The following CBFA2T2 variants were observed in gnomAD, a reference collection of about 807,000 sequenced individuals.
CBFA2T2 encodes CBFA2/RUNX1 partner transcriptional co-repressor 2.
A neutral mutation model predicts 62.2 loss-of-function variants in CBFA2T2; 11 were observed. The observed-to-expected ratio is 0.18, with a 90% CI of 0.11 to 0.29. CBFA2T2 has a LOEUF of 0.29. Ranked by LOEUF, CBFA2T2 falls within the 10% of genes least tolerant of loss-of-function variation. The pLI, the probability that CBFA2T2 is intolerant of heterozygous loss-of-function variation, is 1.00. For synonymous variants in CBFA2T2, 295 were observed against 287.5 expected, an observed-to-expected ratio of 1.03 and a Z score of -0.27; for missense variants, 592 against 774.1, an observed-to-expected ratio of 0.76 and a Z score of 2.79.
intron 2 of CBFA2T2, among the ~76,000 whole-genome samples, chr20:33,610,752 C>T (rs984916536): frequency 1.3e-5 from 2 of 152,036 alleles, no homozygotes; most frequent in African/African-American, 4.8e-5. Context: ...CATGAGTATC[C>T]CATCACTGGA....
At chr20:33,622,329 C>G (rs2016024538) in intron 4 of CBFA2T2, among the ~76,000 whole-genome samples, 1 of 152,196 alleles carries the variant, frequency 6.6e-6, no homozygotes, top group Non-Finnish European at 1.5e-5. Context: ...TTAAAACTCT[C>G]CTTTCACTTG....
chr20:33,519,370 T>C (rs563377909), intron 1 of CBFA2T2, among the ~76,000 whole-genome samples: 1 of 152,280 alleles, frequency 6.6e-6, no homozygotes, highest in African/African-American at 2.4e-5. Context: ...TTCAGGAGGC[T>C]GAGGCGGGAG....
chr20:33,538,912 G>C (rs1336814245), intron 1 of CBFA2T2, among the ~76,000 whole-genome samples: 1 of 151,232 alleles, frequency 6.6e-6, no homozygotes, highest in Non-Finnish European at 1.5e-5. Flanking sequence ...GTTGTCTTCA[G>C]AAAACACTGG....
chr20:33,507,256 G>C (rs1455928528), intron 1 of CBFA2T2, among the ~76,000 whole-genome samples: 2 of 152,154 alleles, frequency 1.3e-5, no homozygotes, highest in Non-Finnish European at 2.9e-5. Flanking sequence ...GGGATATAAA[G>C]AGTTCTGAGG....
chr20:33,584,478 C>T (rs1449052194), intron 1 of CBFA2T2, among the ~76,000 whole-genome samples: 3 of 150,476 alleles, frequency 2.0e-5, no homozygotes, highest in African/African-American at 7.3e-5. Context: ...AGGATGGTCT[C>T]AATCTCCTGA....
chr20:33,601,809 A>T (rs1370489376), intron 1 of CBFA2T2: 1 of 147,408 alleles, frequency 6.8e-6, no homozygotes, highest in Non-Finnish European at 1.5e-5. Flanking sequence ...ATTCTAATAG[A>T]TTTTTTTTTT....
intron 8 of CBFA2T2, among the ~76,000 whole-genome samples, chr20:33,633,241 A>G (rs944018797): frequency 6.6e-6 from 1 of 152,056 alleles, no homozygotes; most frequent in African/African-American, 2.4e-5. Context: ...GCATGGTAGC[A>G]CATGCCTGTA....
chr20:33,505,522 G>A (rs528109187), intron 1 of CBFA2T2, among the ~76,000 whole-genome samples: 17 of 152,232 alleles, frequency 1.1e-4, no homozygotes, highest in South Asian at 2.1e-4. Flanking sequence ...AGTGGCTCAC[G>A]CCTGTAATCC....
intron 9 of CBFA2T2, among the ~76,000 whole-genome samples, chr20:33,638,211 G>A (rs1353634358): frequency 2.6e-5 from 4 of 151,756 alleles, no homozygotes; most frequent in Non-Finnish European, 5.9e-5. Context: ...TTGACTTCAG[G>A]TGATCCACCC....
intron 2 of CBFA2T2, among the ~76,000 whole-genome samples, chr20:33,608,611 T>C (rs2015418330): frequency 6.6e-6 from 1 of 152,164 alleles, no homozygotes; most frequent in African/African-American, 2.4e-5. Context: ...GCCCTAGACA[T>C]ATATACTATC....
chr20:33,559,129 A>G (rs555533791), intron 1 of CBFA2T2, among the ~76,000 whole-genome samples: 21 of 137,684 alleles, frequency 1.5e-4, no homozygotes, highest in Admixed American at 4.4e-4. Flanking sequence ...TGATTTAAAC[A>G]TTTTATTGTG....
intron 1 of CBFA2T2, among the ~76,000 whole-genome samples, chr20:33,502,947 C>T (rs950812086): frequency 4.0e-5 from 6 of 150,008 alleles, no homozygotes; most frequent in Non-Finnish European, 7.4e-5. Flanking sequence ...GAAAATTAGC[C>T]GGGCTTGGTG....
Position 33,648,465 on chromosome 20 carries a change from A to G in CBFA2T2, c.*3819A>G. ...GTCCTTTTTGTCCCCACTTGCCTGC[A>G]CCGTGCCTGACTCATCCAGTGGGGA... On this transcript the variant is annotated 3_prime_UTR_variant, in exon 11 of 11. Transcript: ENST00000342704. The G allele has an allele frequency of 6.6e-6, 1 of 152,256 alleles. No homozygotes were observed. The highest frequency in any genetic ancestry group is 1.5e-5 in the Non-Finnish European group (1 of 68,094). The allele number at this position is 152,256 out of a possible 1,614,324, so 9.4% of individuals were successfully genotyped here.
intron 3 of CBFA2T2, among the ~76,000 whole-genome samples, chr20:33,613,632 C>A (rs1172267122): frequency 6.6e-6 from 1 of 152,214 alleles, no homozygotes; most frequent in Admixed American, 6.5e-5. Context: ...AAATTTTACC[C>A]TCTTAGAAGG....
At chr20:33,536,899 G>T (rs1298855446) in intron 1 of CBFA2T2, among the ~76,000 whole-genome samples, 7 of 151,348 alleles carry the variant, frequency 4.6e-5, no homozygotes, top group Non-Finnish European at 7.4e-5. Flanking sequence ...TGGCGGCCGG[G>T]AAGAGGCGCT....
intron 1 of CBFA2T2, among the ~76,000 whole-genome samples, chr20:33,554,414 A>G (rs1213133156): frequency 1.3e-5 from 2 of 151,358 alleles, no homozygotes; most frequent in Non-Finnish European, 2.9e-5. Context: ...TGGCCCAGCT[A>G]GGTTTTGTAT....
In CBFA2T2 at chr20:33,500,976, G is replaced by A. The variant is rs112010829; in HGVS notation, c.34+10675G>A. On this transcript the variant is annotated intron_variant, in intron 1 of 10. Transcript: ENST00000342704. ...ATTTTGCATGGCTCTATGAGGAGCT[G>A]TCAAATATGGATCATCAAATATAGT... Among the ~76,000 whole-genome samples the A allele has an allele frequency of 2.8e-3, 427 of 152,320 alleles. 2 individuals carry two copies. Among genetic ancestry groups the A allele is most frequent in the Middle Eastern group, 0.017 (5 of 294 alleles).
At chr20:33,604,530 G>A (rs999397743) in intron 1 of CBFA2T2, among the ~76,000 whole-genome samples, 2 of 152,214 alleles carry the variant, frequency 1.3e-5, no homozygotes, top group African/African-American at 4.8e-5. Context: ...TTTGGGTGGT[G>A]AAATGAAAAG....
chr20:33,612,441 A>G (rs2122302150), intron 3 of CBFA2T2, among the ~76,000 whole-genome samples: 1 of 152,362 alleles, frequency 6.6e-6, no homozygotes, highest in South Asian at 2.1e-4. Context: ...AAGATTCTCC[A>G]GGATCCTTTC....
Sources: gnomAD v4.1 joint callset for allele counts (sites outside exome capture counted in the v4.1 genomes callset) on GRCh38, gnomAD v4.1.1 for gene constraint, MANE v1.5 for transcripts, NCBI Gene and HGNC (gene_info 2026-07-23, HGNC 2026-07-21) for gene names.